HEATR4: variants seen among roughly 807,000 people sequenced by gnomAD.
HEATR4 encodes the protein HEAT repeat containing 4.
HEATR4 carries 95 observed loss-of-function variants against 108.8 expected under a neutral mutation model. That is an observed-to-expected ratio of 0.87 (90% confidence interval 0.74 to 1.04). HEATR4 has a LOEUF of 1.04. Among genes scored for constraint, HEATR4 ranks in the 50% least tolerant of loss-of-function variants. The probability of loss-of-function intolerance (pLI) is 0.00; values close to 1 mark genes in which losing one functional copy is unlikely to be tolerated. For missense variants in HEATR4, 1,152 were observed against 1,253.8 expected, an observed-to-expected ratio of 0.92 and a Z score of 1.23; for synonymous variants, 443 against 459.4, an observed-to-expected ratio of 0.96 and a Z score of 0.46.
chr14:73,616,413 C>T, the HEATR4 span, among the ~76,000 whole-genome samples: 1 of 152,038 alleles, frequency 6.6e-6, no homozygotes, highest in East Asian at 1.9e-4. Context: ...AAGTTTTAGG[C>T]CGGTTGCGGT....
At chr14:73,507,448 T>G (rs1409296978) in intron 9 of HEATR4, among the ~76,000 whole-genome samples, 1 of 152,128 alleles carries the variant, frequency 6.6e-6, no homozygotes, top group East Asian at 1.9e-4. Context: ...GTAATTAATT[T>G]TTTGAGGCAG....
At chr14:73,566,143 G>A in the HEATR4 span, among the ~76,000 whole-genome samples, 1 of 152,066 alleles carries the variant, frequency 6.6e-6, no homozygotes. Context: ...GCTAGACACA[G>A]GGTGCTGATT....
chr14:73,572,921 C>G, the HEATR4 span, among the ~76,000 whole-genome samples: 2 of 151,294 alleles, frequency 1.3e-5, no homozygotes, highest in South Asian at 2.1e-4. Context: ...GCTGGGGTTA[C>G]AGGCGTGAGC....
intron 14 of HEATR4, among the ~76,000 whole-genome samples, chr14:73,497,943 G>C (rs1428023542): frequency 6.6e-6 from 1 of 152,118 alleles, no homozygotes; most frequent in Non-Finnish European, 1.5e-5. Context: ...ATCCTGGTGG[G>C]GAGAAAAGAT....
chr14:73,592,323 C>G, the HEATR4 span: 4 of 1,608,648 alleles, frequency 2.5e-6, no homozygotes, highest in Non-Finnish European at 3.4e-6. Flanking sequence ...GCTGCTGTGC[C>G]AGGCGCAGCA....
At chr14:73,590,557 C>A in the HEATR4 span, among the ~76,000 whole-genome samples, 1 of 152,212 alleles carries the variant, frequency 6.6e-6, no homozygotes, top group African/African-American at 2.4e-5. Context: ...AGGCTCGGAC[C>A]GCGCAGAAGC....
chr14:73,617,974 A>ATC, the HEATR4 span, among the ~76,000 whole-genome samples: 78,192 of 151,444 alleles, frequency 0.52, 20,952 homozygotes, highest in East Asian at 0.85. Flanking sequence ...GTGAAACCCC[A>ATC]TCTACTAAAG....
At chr14:73,493,249 C>T (rs1475420225) in intron 16 of HEATR4, 125 bp from the exon 17 acceptor site, 2 of 730,638 alleles carry the variant, frequency 2.7e-6, no homozygotes, top group Non-Finnish European at 2.3e-6. Flanking sequence ...CCATGTCGTT[C>T]TGCTTGAGAC....
the HEATR4 span, among the ~76,000 whole-genome samples, chr14:73,612,044 C>CT: frequency 4.6e-3 from 661 of 142,354 alleles, no homozygotes; most frequent in African/African-American, 0.011. Flanking sequence ...GTCATTAACT[C>CT]TTTTTTTTTT....
chr14:73,629,188 C>T, the HEATR4 span, among the ~76,000 whole-genome samples: 5 of 152,148 alleles, frequency 3.3e-5, no homozygotes, highest in African/African-American at 1.2e-4. Context: ...ACTGAAGTCT[C>T]AGATAATCAT....
At chr14:73,519,000 T>G in intron 5 of HEATR4, 23 bp downstream of exon 5, 1 of 1,603,048 alleles carries the variant, frequency 6.2e-7, no homozygotes, top group Non-Finnish European at 8.5e-7. Context: ...AACCCCTGCC[T>G]TCCCTGTTAG....
At chr14:73,493,387 A>C in intron 16 of HEATR4, 2 of 409,474 alleles carry the variant, frequency 4.9e-6, no homozygotes, top group Non-Finnish European at 4.5e-6. Flanking sequence ...AAAGTGCCAA[A>C]GAATGTTTCC....
In HEATR4 at chr14:73,492,447, T is replaced by C. The variant is rs761072269; in HGVS notation, c.2844+619A>G. On this transcript the variant is annotated intron_variant, in intron 17 of 17. Transcript: ENST00000553558. The surrounding 1 kb of genome is among the most constrained non-coding windows in gnomAD (Gnocchi z 4.9). ...TCTAAGGATCCGCGAAGAACCGCTT[T>C]CATGGAGAAGGTGCGGGTCTTGGTT... 1.9e-6 allele frequency: 3 copies of C among 1,613,770 alleles called. No homozygotes were observed. The highest frequency in any genetic ancestry group is 2.5e-6 in the Non-Finnish European group (3 of 1,179,812).
intron 4 of HEATR4, 177 bp downstream of exon 4, chr14:73,520,675 G>A (rs545096980): frequency 1.7e-6 from 1 of 591,658 alleles, no homozygotes; most frequent in South Asian, 2.3e-5. Context: ...CTCCCTATTA[G>A]TTATCACTCC....
At chr14:73,565,555 G>C in the HEATR4 span, among the ~76,000 whole-genome samples, 1 of 151,854 alleles carries the variant, frequency 6.6e-6, no homozygotes, top group Non-Finnish European at 1.5e-5. Context: ...TCTTAAAGGT[G>C]GCATGTCCAG....
Position 73,478,753 on chromosome 14 carries a change from T to TCG in HEATR4, c.2933_2934insCG (p.Lys978AsnfsTer?). The TCG allele has an allele frequency of 6.2e-7, 1 of 1,614,008 alleles. No homozygotes were observed. ...TTTTCTCGGGGGAGGTGCGTAGATC[T>TCG]TTGACAAGTGATGAACGAACTTTGC... On this transcript the variant is annotated frameshift_variant, in exon 18 of 18. Coordinates refer to ENST00000553558, the MANE Select transcript of HEATR4 (RefSeq NM_001220484.1). LOFTEE classifies it high-confidence loss of function.
intron 17 of HEATR4, among the ~76,000 whole-genome samples, chr14:73,479,808 C>G (rs2140238101): frequency 6.6e-6 from 1 of 152,056 alleles, no homozygotes; most frequent in African/African-American, 2.4e-5. Context: ...AACTCCTGAC[C>G]TCATGATCTG....
At chr14:73,624,636 G>A in the HEATR4 span, among the ~76,000 whole-genome samples, 1 of 152,092 alleles carries the variant, frequency 6.6e-6, no homozygotes, top group Non-Finnish European at 1.5e-5. Context: ...CCTCTTTTTA[G>A]TAACTCTTCT....
the HEATR4 span, among the ~76,000 whole-genome samples, chr14:73,589,308 CCTT>C: frequency 7.1e-6 from 1 of 139,888 alleles, no homozygotes; most frequent in Non-Finnish European, 1.5e-5. Context: ...CTCTTCCTTC[CCTT>C]TTTTCTTTTC....
Sources: allele counts gnomAD v4.1 joint callset (sites outside exome capture counted in the v4.1 genomes callset), GRCh38; gene constraint gnomAD v4.1.1; non-coding constraint Gnocchi (gnomAD v3.1); transcripts MANE v1.5; gene names NCBI Gene and HGNC (gene_info 2026-07-23, HGNC 2026-07-21).